The following DYSF variants were observed in gnomAD, a reference collection of about 807,000 sequenced individuals.
The protein encoded by DYSF is dystrophy-associated fer-1-like 1.
DYSF carries 212 observed loss-of-function variants against 274.9 expected under a neutral mutation model. The observed-to-expected ratio is 0.77, with a 90% CI of 0.69 to 0.86. DYSF has a LOEUF of 0.86. Ranked by LOEUF, DYSF falls within the 40% of genes least tolerant of loss-of-function variation. The pLI, the probability that DYSF is intolerant of heterozygous loss-of-function variation, is 0.00. For synonymous variants in DYSF, 1,091 were observed against 1,078.7 expected (o/e 1.01, Z -0.22); for missense variants, 2,666 against 2,783.2 (o/e 0.96, Z 0.95).
At chr2:71,529,207 C>T (rs2088357338) in intron 14 of DYSF, among the ~76,000 whole-genome samples, 1 of 152,192 alleles carries the variant, frequency 6.6e-6, no homozygotes. Flanking sequence ...CTTGATTCTT[C>T]CTTCTTTTTT....
At position 71,561,836 on chromosome 2, in the gene DYSF, C is replaced by A. The variant is rs1427959069; in HGVS notation, c.2301C>A (p.Ser767Arg). 6.2e-7 allele frequency: 1 copy of A among 1,614,186 alleles called. No homozygotes were observed. Among genetic ancestry groups the A allele is most frequent in the Non-Finnish European group, 8.5e-7 (1 of 1,180,028 alleles). Residue 767 changes from serine (S) to arginine (R), a missense_variant, in exon 23 of 56, where the codon AGC becomes AGA. Ser to Arg is a moderately radical substitution (Grantham distance 110, BLOSUM62 -1). This residue lies in a region of DYSF where 412 missense variants were observed against 504.0 expected (regional missense o/e 0.82). Transcript: ENST00000410020. ...ACCAGCTGCGCACCCATCACCTGAG[C>A]CAAATCACTGAGGCTGCCCTGGCCC... ...YLYQLRTHHL[S>R]QITEAALALK...
chr2:71,636,538 T>A (rs1234453271), intron 41 of DYSF, among the ~76,000 whole-genome samples: 2 of 152,046 alleles, frequency 1.3e-5, no homozygotes, highest in Non-Finnish European at 2.9e-5. Context: ...CATTTGTTCA[T>A]ATGAGGAAGG....
At chr2:71,631,305 C>A (rs1482433062) in intron 41 of DYSF, among the ~76,000 whole-genome samples, 1 of 152,186 alleles carries the variant, frequency 6.6e-6, no homozygotes, top group Non-Finnish European at 1.5e-5. Flanking sequence ...TTGTACATAT[C>A]AGATGTGCTA....
chr2:71,669,280 CG>C, intron 50 of DYSF, 73 bp downstream of exon 50: 1 of 1,292,722 alleles, frequency 7.7e-7, no homozygotes, highest in Non-Finnish European at 1.1e-6. Context: ...GTGCACAGCA[CG>C]GGGGGCTCTG....
At chr2:71,558,882 C>T (rs764790362) in intron 22 of DYSF, among the ~76,000 whole-genome samples, 3 of 152,138 alleles carry the variant, frequency 2.0e-5, no homozygotes, top group Non-Finnish European at 4.4e-5. Flanking sequence ...CTGAGTGGCC[C>T]AGCACCTCAG....
chr2:71,531,775 C>G (rs904855732), intron 14 of DYSF, among the ~76,000 whole-genome samples: 1 of 152,062 alleles, frequency 6.6e-6, no homozygotes, highest in Middle Eastern at 3.2e-3. Flanking sequence ...GGAGGAAGTG[C>G]GTGTGATAGG....
At chr2:71,645,125 G>A (rs932241878) in intron 42 of DYSF, among the ~76,000 whole-genome samples, 2 of 152,200 alleles carry the variant, frequency 1.3e-5, no homozygotes, top group East Asian at 3.9e-4. Context: ...CCATCTGTAG[G>A]CGGCTTGTGT....
intron 3 of DYSF, among the ~76,000 whole-genome samples, chr2:71,493,851 C>CAAAAAAAAAAAAAAAAAAA (rs145288384): frequency 1.0e-4 from 7 of 69,278 alleles, no homozygotes; most frequent in East Asian, 9.2e-4. Flanking sequence ...TACTCTGTCT[C>CAAAAAAAAAAAAAAAAAAA]AAAAAAAAAA....
chr2:71,648,608 C>T (rs2094604715), intron 42 of DYSF, among the ~76,000 whole-genome samples: 1 of 151,962 alleles, frequency 6.6e-6, no homozygotes, highest in Non-Finnish European at 1.5e-5. Context: ...AATAGTTGAA[C>T]ATACATATTG....
chr2:71,660,580 C>A lies in DYSF; in HGVS notation c.4932C>A (p.Ile1644=). The change falls in exon 45 of 56, where the codon ATC becomes ATA. Residue 1644 remains isoleucine (I), a synonymous_variant. Transcript: ENST00000410020. ...PNGKCDPYIK[I]SIGKKSVSDQ... ...TCCAGTGTGATCCTTACATCAAGAT[C>A]TCCATAGGGAAGAAATCAGTGAGTG... is the stretch of plus-strand genomic sequence containing the variant. The A allele has an allele frequency of 6.2e-7, 1 of 1,614,090 alleles. No homozygotes were observed. The highest frequency in any genetic ancestry group is 1.7e-5 in the Admixed American group (1 of 60,024).
chr2:71,488,151 A>G (rs2083506806), intron 3 of DYSF, among the ~76,000 whole-genome samples: 1 of 152,196 alleles, frequency 6.6e-6, no homozygotes, highest in Non-Finnish European at 1.5e-5. Context: ...TGTGTTGGGA[A>G]ATTTAAGCAG....
chr2:71,620,571 G>C lies in DYSF; in HGVS notation c.4489G>C (p.Ala1497Pro), dbSNP rs1360010398. 1.3e-6 allele frequency: 2 copies of C among 1,551,262 alleles called. No homozygotes were observed. The highest frequency in any genetic ancestry group is 1.7e-6 in the Non-Finnish European group (2 of 1,146,896). Residue 1497 changes from alanine (A) to proline (P), a missense_variant, in exon 41 of 56, where the codon GCC becomes CCC. Physicochemically the swap from Ala to Pro is conservative, Grantham distance 27. Transcript: ENST00000410020. ...GCTTGCAGACGGTCTGTCGAGCTTG[G>C]CCCCCACTAACACGGCTTCTCCTCC... ...IQLADGLSSL[A>P]PTNTASPPSS...
chr2:71,679,781 T>C (rs879417969), intron 53 of DYSF, among the ~76,000 whole-genome samples: 9 of 152,156 alleles, frequency 5.9e-5, no homozygotes, highest in Admixed American at 5.9e-4. Context: ...TGAATATACT[T>C]GTTATATAAA....
intron 17 of DYSF, 27 bp from the exon 18 acceptor site, chr2:71,551,014 C>T: frequency 6.2e-7 from 1 of 1,607,076 alleles, no homozygotes; most frequent in Non-Finnish European, 8.5e-7. Flanking sequence ...TGGGCCGACC[C>T]CTCTGATTGC....
At chr2:71,537,228 T>G (rs72827537) in intron 16 of DYSF, among the ~76,000 whole-genome samples, 59 of 36,284 alleles carry the variant, frequency 1.6e-3, no homozygotes, top group South Asian at 0.013. Context: ...GTTTTGTTTT[T>G]TTTTTTTTTT....
intron 22 of DYSF, among the ~76,000 whole-genome samples, chr2:71,556,902 C>A (rs1186164443): frequency 6.6e-6 from 1 of 152,236 alleles, no homozygotes; most frequent in Non-Finnish European, 1.5e-5. Context: ...ATCACCCCTC[C>A]CTCAGCCTGG....
At chr2:71,569,749 C>G in intron 26 of DYSF, 71 bp from the exon 27 acceptor site, 1 of 1,347,964 alleles carries the variant, frequency 7.4e-7, no homozygotes, top group Admixed American at 1.8e-5. Context: ...GGGGTGCTCT[C>G]CAGGAGGTGG....
At chr2:71,638,220 C>G (rs1417521940) in intron 41 of DYSF, among the ~76,000 whole-genome samples, 1 of 151,594 alleles carries the variant, frequency 6.6e-6, no homozygotes, top group Non-Finnish European at 1.5e-5. Context: ...ATCATTTGTT[C>G]TTTTTAATTT....
At chr2:71,475,738 T>C (rs1474680795) in intron 1 of DYSF, among the ~76,000 whole-genome samples, 1 of 152,140 alleles carries the variant, frequency 6.6e-6, no homozygotes, top group Non-Finnish European at 1.5e-5. Context: ...ATGATGAAAT[T>C]GAGGCAGAAA....
Sources: allele counts gnomAD v4.1 joint callset (sites outside exome capture counted in the v4.1 genomes callset), GRCh38; gene constraint gnomAD v4.1.1; regional missense constraint gnomAD v4.1.1; transcripts MANE v1.5; gene names NCBI Gene and HGNC (gene_info 2026-07-23, HGNC 2026-07-21).